The following SNTG2 variants were observed in gnomAD, a reference collection of about 807,000 sequenced individuals.
SNTG2 encodes the protein syntrophin gamma 2.
SNTG2 carries 74 observed loss-of-function variants against 70.9 expected under a neutral mutation model. The ratio of observed to expected loss-of-function variants is 1.04; its 90% CI spans 0.86 to 1.27. SNTG2 has a LOEUF of 1.27. Among genes scored for constraint, SNTG2 ranks in the 50% most tolerant of loss-of-function variants. The probability of loss-of-function intolerance (pLI) is 0.00; values close to 1 mark genes in which losing one functional copy is unlikely to be tolerated. For missense variants in SNTG2, 717 were observed against 690.7 expected, an observed-to-expected ratio of 1.04 and a Z score of -0.43; for synonymous variants, 278 against 273.8, an observed-to-expected ratio of 1.02 and a Z score of -0.15.
chr2:1,154,527 G>A (rs1011545873), intron 6 of SNTG2, among the ~76,000 whole-genome samples: 4 of 152,200 alleles, frequency 2.6e-5, no homozygotes, highest in South Asian at 2.1e-4. Flanking sequence ...AATGTAGGCC[G>A]GATAAAATGA....
intron 9 of SNTG2, among the ~76,000 whole-genome samples, chr2:1,221,445 C>A (rs1287552537): frequency 1.9e-5 from 2 of 105,252 alleles, no homozygotes; most frequent in East Asian, 3.0e-4. Flanking sequence ...CTGTCTCTGT[C>A]TCTGTCTCTC....
chr2:1,143,958 G>T (rs201470669), intron 6 of SNTG2, among the ~76,000 whole-genome samples: 1 of 61,176 alleles, frequency 1.6e-5, no homozygotes, highest in African/African-American at 7.7e-5. Context: ...AAAAAAAACA[G>T]AAATTTATTG....
intron 15 of SNTG2, among the ~76,000 whole-genome samples, chr2:1,309,458 T>C (rs1459206411): frequency 6.6e-6 from 1 of 152,242 alleles, no homozygotes; most frequent in Non-Finnish European, 1.5e-5. Flanking sequence ...TCTCCCAAAC[T>C]GGTGGTTTTG....
In SNTG2 at chr2:1,165,999, A is replaced by C. The variant is rs994157577; in HGVS notation, c.499+364A>C. 3.3e-5 allele frequency among the ~76,000 whole-genome samples: 5 copies of C among 152,324 alleles called. No individual in the cohort carries two copies. The East Asian group carries it at 9.6e-4, about 29-fold the overall frequency. ...TGTTGATCTGAGAAATTTTCAGTGC[A>C]AAAAATGAAAATAATGGTACATTTA... On this transcript the variant is annotated intron_variant, in intron 7 of 16. Coordinates refer to ENST00000308624, the MANE Select transcript of SNTG2 (RefSeq NM_018968.4).
rs1295944201 is a variant in SNTG2 at position 1,094,718 on chromosome 2, T to C, written c.211-3478T>C. ...ATATGGTAGAGTTACTGGCAAGGGCTGGCTTCCTGGACTGCAGGCGAAGGC... is the reference window on the plus strand; with the variant it reads ...ATATGGTAGAGTTACTGGCAAGGGCCGGCTTCCTGGACTGCAGGCGAAGGC... On this transcript the variant is annotated intron_variant, in intron 2 of 16. Transcript: ENST00000308624. Among the ~76,000 whole-genome samples, 36 of 48,688 alleles carry C rather than the reference T, an allele frequency of 7.4e-4. 3 individuals are homozygous for C. The highest frequency in any genetic ancestry group is 2.6e-3 in the Admixed American group (11 of 4,260). 31.9% of individuals were successfully genotyped at this position (48,688 alleles called of 152,430 possible).
chr2:1,131,229 A>G (rs1404185249), intron 4 of SNTG2, among the ~76,000 whole-genome samples: 1 of 150,254 alleles, frequency 6.7e-6, no homozygotes, highest in African/African-American at 2.4e-5. Flanking sequence ...TTTAATTAGA[A>G]GATGTGTTTT....
chr2:1,076,528 G>A (rs541368484), intron 1 of SNTG2, among the ~76,000 whole-genome samples: 1 of 152,294 alleles, frequency 6.6e-6, no homozygotes, highest in Admixed American at 6.5e-5. Flanking sequence ...ATTATTTGGT[G>A]AGTGTTATGC....
At chr2:1,159,820 A>G (rs551914375) in intron 6 of SNTG2, among the ~76,000 whole-genome samples, 5 of 152,328 alleles carry the variant, frequency 3.3e-5, no homozygotes, top group African/African-American at 1.2e-4. Context: ...GTAATAACGC[A>G]AGATGCAGAG....
At chr2:1,093,789 G>T (rs547227241) in intron 2 of SNTG2, among the ~76,000 whole-genome samples, 1 of 152,256 alleles carries the variant, frequency 6.6e-6, no homozygotes, top group African/African-American at 2.4e-5. Context: ...GGGCTCCACC[G>T]TAATAAGGAA....
At chr2:1,300,860 A>T (rs903416881) in intron 14 of SNTG2, among the ~76,000 whole-genome samples, 1 of 152,166 alleles carries the variant, frequency 6.6e-6, no homozygotes, top group Non-Finnish European at 1.5e-5. Context: ...TCCTATAAAA[A>T]GCTATTTTAA....
chr2:1,218,697 T>C (rs1458475905), intron 9 of SNTG2, among the ~76,000 whole-genome samples: 1 of 152,182 alleles, frequency 6.6e-6, no homozygotes. Flanking sequence ...CTGTGGTGCC[T>C]CTGGGATGTG....
At chr2:1,167,332 G>A (rs1176697805) in intron 7 of SNTG2, among the ~76,000 whole-genome samples, 12 of 139,560 alleles carry the variant, frequency 8.6e-5, no homozygotes, top group Admixed American at 5.0e-4. Context: ...CCTATAGGCC[G>A]CCCACAGACG....
chr2:1,209,105 C>T lies in SNTG2; in HGVS notation c.594C>T (p.Ala198=). 1.2e-6 allele frequency: 2 copies of T among 1,613,884 alleles called. No homozygotes were observed. The highest frequency in any genetic ancestry group is 1.7e-6 in the Non-Finnish European group (2 of 1,179,888). The part of the protein sequence containing the change: ...LHLNGNSSTT[A]PSSPSSPIAK... Reference sequence around the variant, plus strand: ...TCATTCTCCTTTCTTCTGTACAGGCCCCATCGTCACCTTCCTCGCCCATAG... The same window carrying T: ...TCATTCTCCTTTCTTCTGTACAGGCTCCATCGTCACCTTCCTCGCCCATAG... Residue 198 remains alanine (A), a splice_region_variant and synonymous_variant, in exon 9 of 17, where the codon GCC becomes GCT. Transcript: ENST00000308624.
chr2:1,062,214 A>G (rs1211317115), intron 1 of SNTG2, among the ~76,000 whole-genome samples: 1 of 152,190 alleles, frequency 6.6e-6, no homozygotes, highest in African/African-American at 2.4e-5. Context: ...TCTGATGGCC[A>G]CGTTTGTCAT....
chr2:1,311,678 C>T (rs999822529), intron 15 of SNTG2, among the ~76,000 whole-genome samples: 2 of 152,094 alleles, frequency 1.3e-5, no homozygotes, highest in Non-Finnish European at 2.9e-5. Context: ...ATATGAAATG[C>T]TTCTAAATAA....
intron 1 of SNTG2, among the ~76,000 whole-genome samples, chr2:1,039,731 T>C (rs745796304): frequency 6.6e-6 from 1 of 152,140 alleles, no homozygotes; most frequent in Non-Finnish European, 1.5e-5. Flanking sequence ...TGGAAAAATA[T>C]AAGCGCTGCT....
intron 4 of SNTG2, among the ~76,000 whole-genome samples, chr2:1,119,240 G>A (rs372850291): frequency 6.2e-4 from 94 of 152,176 alleles, no homozygotes; most frequent in African/African-American, 2.0e-3. Flanking sequence ...AAAAGCTGAT[G>A]GATTTCATAA....
intron 4 of SNTG2, among the ~76,000 whole-genome samples, chr2:1,113,445 G>A (rs968630515): frequency 6.6e-6 from 1 of 152,100 alleles, no homozygotes; most frequent in Admixed American, 6.5e-5. Context: ...ACTAAGTGAG[G>A]TTTAACCCAT....
At chr2:1,264,698 ACATTCT>A (rs112364990) in intron 13 of SNTG2, among the ~76,000 whole-genome samples, 14,077 of 152,188 alleles carry the variant, frequency 0.092, 708 homozygotes, top group South Asian at 0.15. Flanking sequence ...TTTCTCAATA[ACATTCT>A]CTATTCTCTA....
Sources: gnomAD v4.1 joint callset for allele counts (sites outside exome capture counted in the v4.1 genomes callset) on GRCh38, gnomAD v4.1.1 for gene constraint, MANE v1.5 for transcripts, NCBI Gene and HGNC (gene_info 2026-07-23, HGNC 2026-07-21) for gene names.